The following NEK7 variants were observed in gnomAD, a reference collection of about 807,000 sequenced individuals.
The protein encoded by NEK7 is NIMA related kinase 7.
In NEK7, 18 loss-of-function variants were observed where a neutral mutation model predicts 44.6. That is an observed-to-expected ratio of 0.40 (90% confidence interval 0.28 to 0.60). The LOEUF is 0.60. Among genes scored for constraint, NEK7 ranks in the 20% least tolerant of loss-of-function variants. The pLI is 0.38. For missense variants in NEK7, 256 were observed against 366.5 expected (o/e 0.70, Z 2.46); for synonymous variants, 130 against 121.1 (o/e 1.07, Z -0.48).
At chr1:198,217,939 A>G in intron 1 of NEK7, among the ~76,000 whole-genome samples, 1 of 151,934 alleles carries the variant, frequency 6.6e-6, no homozygotes. Context: ...AAATAAATAA[A>G]ACAAATGGAA....
intron 1 of NEK7, among the ~76,000 whole-genome samples, chr1:198,174,035 A>G (rs923899973): frequency 6.6e-6 from 1 of 152,228 alleles, no homozygotes; most frequent in African/African-American, 2.4e-5. Flanking sequence ...AGAAATTGCA[A>G]GATAGTGCAG....
At chr1:198,300,728 T>C (rs559427034) in intron 9 of NEK7, among the ~76,000 whole-genome samples, 73 of 152,276 alleles carry the variant, frequency 4.8e-4, no homozygotes, top group African/African-American at 1.7e-3. Context: ...ATTGATTGAT[T>C]GATTGAGGGA....
At chr1:198,186,542 G>A (rs1160098419) in intron 1 of NEK7, among the ~76,000 whole-genome samples, 1 of 152,172 alleles carries the variant, frequency 6.6e-6, no homozygotes, top group African/African-American at 2.4e-5. Context: ...GATACAGGAT[G>A]GCTGGTGCAT....
chr1:198,174,773 G>A (rs999712683), intron 1 of NEK7, among the ~76,000 whole-genome samples: 1 of 151,568 alleles, frequency 6.6e-6, no homozygotes, highest in Non-Finnish European at 1.5e-5. Flanking sequence ...TTTTTTTTGG[G>A]GGGGGACAGG....
chr1:198,280,129 G>T (rs1654149186), intron 7 of NEK7, among the ~76,000 whole-genome samples: 1 of 151,828 alleles, frequency 6.6e-6, no homozygotes, highest in African/African-American at 2.4e-5. Flanking sequence ...CCTGAATAAA[G>T]AAATTTGACA....
chr1:198,200,018 A>G (rs1050281494), intron 1 of NEK7, among the ~76,000 whole-genome samples: 4 of 151,990 alleles, frequency 2.6e-5, no homozygotes, highest in Non-Finnish European at 5.9e-5. Flanking sequence ...CTTTAAGATT[A>G]CTTAAATTTT....
chr1:198,254,848 T>C (rs1450237204), intron 3 of NEK7, among the ~76,000 whole-genome samples: 1 of 152,156 alleles, frequency 6.6e-6, no homozygotes, highest in Non-Finnish European at 1.5e-5. Flanking sequence ...AAACACAATA[T>C]GGGATGTAGT....
chr1:198,279,872 T>A (rs1245906733), intron 7 of NEK7, among the ~76,000 whole-genome samples: 2 of 151,994 alleles, frequency 1.3e-5, no homozygotes, highest in Admixed American at 1.3e-4. Flanking sequence ...CTTGAACCTG[T>A]CATCGAATTT....
At chr1:198,299,013 G>C (rs1654796502) in intron 9 of NEK7, among the ~76,000 whole-genome samples, 1 of 152,230 alleles carries the variant, frequency 6.6e-6, no homozygotes, top group South Asian at 2.1e-4. Context: ...GAAGGTCTTA[G>C]AGTTGGGAAA....
At chr1:198,180,816 T>C (rs61446362) in intron 1 of NEK7, among the ~76,000 whole-genome samples, 31 of 152,200 alleles carry the variant, frequency 2.0e-4, no homozygotes, top group African/African-American at 6.0e-4. Context: ...TTACTAAAAA[T>C]AAAAGTGTGA....
At chr1:198,219,098 C>T (rs1362241731) in intron 1 of NEK7, among the ~76,000 whole-genome samples, 4 of 151,706 alleles carry the variant, frequency 2.6e-5, no homozygotes, top group African/African-American at 4.8e-5. Flanking sequence ...ATCAAAGAAA[C>T]GCTTGCACGT....
chr1:198,222,497 C>G (rs975566618), intron 1 of NEK7, among the ~76,000 whole-genome samples: 1 of 151,986 alleles, frequency 6.6e-6, no homozygotes, highest in African/African-American at 2.4e-5. Flanking sequence ...TTTTTATTTC[C>G]CCTCTATTAC....
At chr1:198,214,336 T>C (rs1016477107) in intron 1 of NEK7, among the ~76,000 whole-genome samples, 1 of 152,078 alleles carries the variant, frequency 6.6e-6, no homozygotes, top group African/African-American at 2.4e-5. Flanking sequence ...CAAAATGAGA[T>C]GTTCGAAATA....
intron 1 of NEK7, among the ~76,000 whole-genome samples, chr1:198,197,323 GAA>G (rs1216189359): frequency 6.6e-6 from 1 of 152,178 alleles, no homozygotes; most frequent in East Asian, 1.9e-4. Context: ...CAAAGATAGA[GAA>G]AGAATTAATG....
At position 198,297,177 on chromosome 1, in the gene NEK7, A is replaced by C; in HGVS notation, c.735A>C (p.Ser245=). 1 of 1,613,548 alleles carries C rather than the reference A, an allele frequency of 6.2e-7. No individual in the cohort carries two copies. Among genetic ancestry groups the C allele is most frequent in the Non-Finnish European group, 8.5e-7 (1 of 1,179,708 alleles). ...ATGGTGACAAAATGAATTTATACTC[A>C]CTGTGTAAGAAGATAGAACAGTGTG... ...PFYGDKMNLY[S]LCKKIEQCDY... The change falls in exon 9 of 10, where the codon TCA becomes TCC. Residue 245 remains serine, a synonymous_variant. Coordinates refer to ENST00000367385, the MANE Select transcript of NEK7 (RefSeq NM_133494.3).
chr1:198,212,777 C>T (rs1202020760), intron 1 of NEK7, among the ~76,000 whole-genome samples: 1 of 152,268 alleles, frequency 6.6e-6, no homozygotes, highest in South Asian at 2.1e-4. Context: ...GGCTGATCCT[C>T]TTTTGCAAGT....
At chr1:198,270,477 A>G (rs987806349) in intron 5 of NEK7, among the ~76,000 whole-genome samples, 5 of 151,984 alleles carry the variant, frequency 3.3e-5, no homozygotes, top group Non-Finnish European at 7.4e-5. Flanking sequence ...TATTCTTACA[A>G]TTTTTTTAGT....
At chr1:198,243,458 A>G (rs1666744146) in intron 2 of NEK7, among the ~76,000 whole-genome samples, 1 of 152,164 alleles carries the variant, frequency 6.6e-6, no homozygotes, top group Non-Finnish European at 1.5e-5. Flanking sequence ...TGCCAGGTGT[A>G]GCTGGTAGTG....
intron 1 of NEK7, among the ~76,000 whole-genome samples, chr1:198,161,125 A>G (rs753233089): frequency 3.9e-5 from 6 of 152,244 alleles, no homozygotes; most frequent in Non-Finnish European, 7.3e-5. Context: ...GGAACAATAT[A>G]TAAATGAATA....
Sources: gnomAD v4.1 joint callset for allele counts (sites outside exome capture counted in the v4.1 genomes callset) on GRCh38, gnomAD v4.1.1 for gene constraint, MANE v1.5 for transcripts, NCBI Gene and HGNC (gene_info 2026-07-23, HGNC 2026-07-21) for gene names.